The following ADGRF4 variants were observed in gnomAD, a reference collection of about 807,000 sequenced individuals.
ADGRF4 encodes the protein G-protein coupled receptor PGR18.
A neutral mutation model predicts 58.5 loss-of-function variants in ADGRF4; 63 were observed. The ratio of observed to expected loss-of-function variants is 1.08; its 90% confidence interval spans 0.88 to 1.33. The LOEUF (loss-of-function observed/expected upper bound fraction) is 1.33, where lower values mean the gene tolerates loss of function less well. Among genes scored for constraint, ADGRF4 ranks in the 40% most tolerant of loss-of-function variants. The pLI, the probability that ADGRF4 is intolerant of heterozygous loss-of-function variation, is 0.00. For synonymous variants in ADGRF4, 313 were observed against 295.4 expected, an observed-to-expected ratio of 1.06 and a Z score of -0.61; for missense variants, 931 against 843.9, an observed-to-expected ratio of 1.10 and a Z score of -1.28.
chr6:47,719,227 A>T (rs930321742), intron 9 of ADGRF4, among the ~76,000 whole-genome samples: 1 of 152,072 alleles, frequency 6.6e-6, no homozygotes, highest in Non-Finnish European at 1.5e-5. Context: ...AGTTGGAAAA[A>T]CCTTTAAGGG....
At chr6:47,701,058 C>T (rs1238173352) in intron 1 of ADGRF4, among the ~76,000 whole-genome samples, 1 of 152,134 alleles carries the variant, frequency 6.6e-6, no homozygotes, top group Admixed American at 6.5e-5. Context: ...GTGTGAAAGT[C>T]GCTGATTACT....
At chr6:47,707,480 A>G (rs1010093188) in intron 2 of ADGRF4, 142 bp downstream of exon 2, 6 of 644,456 alleles carry the variant, frequency 9.3e-6, no homozygotes, top group South Asian at 1.9e-5. Context: ...AACTTTCTAA[A>G]GAAGGGAACA....
At position 47,721,327 on chromosome 6, in the gene ADGRF4, C is replaced by T. The variant is rs1772152602; in HGVS notation, c.*122C>T. On this transcript the variant is annotated 3_prime_UTR_variant, in exon 10 of 10. Coordinates refer to ENST00000283303, the MANE Select transcript of ADGRF4 (RefSeq NM_153838.5). ...ATGCTTCCTTGGAAGACTTTCTCTT[C>T]TTGTCAGGAGTGACTCCCAAGCTCT... 1.3e-5 allele frequency: 2 copies of T among 152,160 alleles called. No individual in the cohort carries two copies. The highest frequency in any genetic ancestry group is 1.3e-4 in the Admixed American group (2 of 15,290). The allele number at this position is 152,160 out of a possible 1,614,324, so 9.4% of individuals were successfully genotyped here. A position where few individuals can be genotyped will look rare whatever the true frequency, so the allele number is the denominator to read the frequency against.
In ADGRF4 at chr6:47,713,924, A is replaced by G. The variant is rs1771933670; in HGVS notation, c.679A>G (p.Ile227Val). The G allele has an allele frequency of 9.9e-6, 16 of 1,610,542 alleles. No homozygotes were observed. The highest frequency in any genetic ancestry group is 1.3e-5 in the African/African-American group (1 of 74,784). Residue 227 changes from isoleucine to valine, a missense_variant, in exon 6 of 10, where the codon ATC becomes GTC. Transcript: ENST00000283303. ...SVNLFARQLH[I>V]HNNSENIVNE... ...GAATTTGTTTGCCAGACAACTCCACATCCACAATAATTCTGAGAACATTGT... is the reference window on the plus strand; with the variant it reads ...GAATTTGTTTGCCAGACAACTCCACGTCCACAATAATTCTGAGAACATTGT...
rs375187733 is a variant in ADGRF4, at chr6:47,715,128, G to T, written c.1883G>T (p.Gly628Val). 4 of 1,600,594 alleles carry T rather than the reference G, an allele frequency of 2.5e-6. No homozygotes were observed. In the African/African-American group the frequency reaches 5.4e-5, roughly 21 times the overall value. ...TTTGGAATAGCCACTCTCATAGAAG[G>T]CACTTCCTTGACGTTCCATATAATT... ...WGFGIATLIE[G>V]TSLTFHIIFA... Residue 628 changes from glycine to valine, a missense_variant, in exon 6 of 10, where the codon GGC (glycine) becomes GTC (valine). Transcript: ENST00000283303.
At chr6:47,712,711 T>C in intron 5 of ADGRF4, 103 bp downstream of exon 5, 1 of 793,630 alleles carries the variant, frequency 1.3e-6, no homozygotes, top group Middle Eastern at 3.7e-4. Context: ...ACAGCAACCA[T>C]CAAAGCAACA....
intron 1 of ADGRF4, among the ~76,000 whole-genome samples, chr6:47,700,669 C>A (rs2113892080): frequency 6.6e-6 from 1 of 152,262 alleles, no homozygotes; most frequent in East Asian, 1.9e-4. Flanking sequence ...AGGCTCCAGG[C>A]AGTACAATAA....
At chr6:47,702,713 A>G (rs1023769688) in intron 1 of ADGRF4, among the ~76,000 whole-genome samples, 1 of 152,242 alleles carries the variant, frequency 6.6e-6, no homozygotes. Flanking sequence ...TTCTGCCACC[A>G]TACACAGAGG....
intron 5 of ADGRF4, among the ~76,000 whole-genome samples, chr6:47,713,106 G>C (rs1000968520): frequency 1.3e-5 from 2 of 152,170 alleles, no homozygotes; most frequent in East Asian, 3.8e-4. Flanking sequence ...TAGGTTGTGT[G>C]CTCCTTAGGA....
At chr6:47,719,698 G>A (rs1772111484) in intron 9 of ADGRF4, among the ~76,000 whole-genome samples, 1 of 152,176 alleles carries the variant, frequency 6.6e-6, no homozygotes, top group Admixed American at 6.5e-5. Context: ...GAGAAGAAGT[G>A]CGTAGTGAAG....
Position 47,714,730 on chromosome 6 carries a change from A to G in ADGRF4, c.1485A>G (p.Ala495=), listed in dbSNP as rs779860285. ...TGTTTTTCTGGATGCTCTTCAAAGC[A>G]TTGCTCATCATTTATGGAATATTGG... ...LSLFFWMLFK[A]LLIIYGILVI... is the part of the protein sequence containing the mutation. Residue 495 remains alanine (A), a synonymous_variant, in exon 6 of 10, where the codon GCA becomes GCG. Transcript: ENST00000283303. 8 of 1,614,006 alleles carry G rather than the reference A, an allele frequency of 5.0e-6. No individual in the cohort carries two copies. In the East Asian group the frequency reaches 6.7e-5, roughly 13 times the overall value.
chr6:47,715,156 T>C lies in ADGRF4; in HGVS notation c.1911T>C (p.Phe637=). The stretch of plus-strand genomic sequence containing the variant: ...CTTCCTTGACGTTCCATATAATTTT[T>C]GCCTTGCTCAATGCTTTCCAGGTAA... The part of the protein sequence containing the change: ...EGTSLTFHII[F]ALLNAFQGFF... The change falls in exon 6 of 10, where the codon TTT becomes TTC. Residue 637 remains phenylalanine (F), a synonymous_variant. Coordinates refer to ENST00000283303, the MANE Select transcript of ADGRF4 (RefSeq NM_153838.5). The C allele has an allele frequency of 6.3e-7, 1 of 1,588,556 alleles. No individual in the cohort carries two copies. The highest frequency in any genetic ancestry group is 2.3e-5 in the East Asian group (1 of 44,200).
intron 1 of ADGRF4, among the ~76,000 whole-genome samples, chr6:47,705,216 C>T (rs1207200681): frequency 2.6e-5 from 4 of 152,136 alleles, no homozygotes; most frequent in East Asian, 1.9e-4. Flanking sequence ...CATGAGTTGC[C>T]GTGCCCGGCC....
At chr6:47,702,906 A>G (rs753043831) in intron 1 of ADGRF4, among the ~76,000 whole-genome samples, 3 of 152,258 alleles carry the variant, frequency 2.0e-5, no homozygotes, top group Non-Finnish European at 4.4e-5. Flanking sequence ...AGAAACTGGT[A>G]TGTCCCTCAC....
rs776178525 is a variant in ADGRF4, at chr6:47,712,414, C to A, written c.358C>A (p.Leu120Ile). The A allele has an allele frequency of 5.6e-6, 9 of 1,613,766 alleles. No individual in the cohort carries two copies. In the East Asian group the frequency reaches 8.9e-5, roughly 16 times the overall value. ...VAAPSIPLHI[L>I]DFRAPETIES... Reference sequence around the variant, plus strand: ...AGCACCATCTATACCTCTGCATATTCTAGACTTTCGAGCTCCAGAGACCAT... The same window carrying A: ...AGCACCATCTATACCTCTGCATATTATAGACTTTCGAGCTCCAGAGACCAT... Residue 120 changes from leucine (L) to isoleucine (I), a missense_variant, in exon 5 of 10, where the codon CTA becomes ATA. Coordinates refer to ENST00000283303, the MANE Select transcript of ADGRF4 (RefSeq NM_153838.5).
chr6:47,709,849 G>GTTTTTTT (rs71305748), intron 3 of ADGRF4, among the ~76,000 whole-genome samples: 2 of 147,520 alleles, frequency 1.4e-5, no homozygotes, highest in Non-Finnish European at 3.0e-5. Context: ...TAGCATCACA[G>GTTTTTTT]TTTTTTTTTT....
At chr6:47,709,714 T>G (rs897672474) in intron 3 of ADGRF4, among the ~76,000 whole-genome samples, 11 of 152,234 alleles carry the variant, frequency 7.2e-5, no homozygotes, top group African/African-American at 2.7e-4. Context: ...TTCACAGACA[T>G]GCAGAGAGCA....
chr6:47,710,962 T>C (rs1320199313), intron 4 of ADGRF4, 76 bp downstream of exon 4: 2 of 1,355,734 alleles, frequency 1.5e-6, no homozygotes, highest in Non-Finnish European at 2.0e-6. Flanking sequence ...ATGTGATCTG[T>C]TCAGCATGAC....
rs1372913906 is a variant in ADGRF4 at position 47,715,131 on chromosome 6, C to G, written c.1886C>G (p.Thr629Ser). 1.3e-6 allele frequency: 2 copies of G among 1,598,152 alleles called. No homozygotes were observed. Among genetic ancestry groups the G allele is most frequent in the Non-Finnish European group, 1.7e-6 (2 of 1,166,844 alleles). ...GGAATAGCCACTCTCATAGAAGGCA[C>G]TTCCTTGACGTTCCATATAATTTTT... is the stretch of plus-strand genomic sequence containing the variant. ...GFGIATLIEG[T>S]SLTFHIIFAL... Residue 629 changes from threonine to serine, a missense_variant, in exon 6 of 10, where the codon ACT becomes AGT. Coordinates refer to ENST00000283303, the MANE Select transcript of ADGRF4 (RefSeq NM_153838.5).
Sources: allele counts gnomAD v4.1 joint callset (sites outside exome capture counted in the v4.1 genomes callset), GRCh38; gene constraint gnomAD v4.1.1; transcripts MANE v1.5; gene names NCBI Gene and HGNC (gene_info 2026-07-23, HGNC 2026-07-21).